PACSIN2: variants seen among roughly 807,000 people sequenced by gnomAD.
PACSIN2 encodes protein kinase C and casein kinase substrate in neurons protein 2.
A neutral mutation model predicts 63.8 loss-of-function variants in PACSIN2; 25 were observed. The ratio of observed to expected loss-of-function variants is 0.39; its 90% CI spans 0.29 to 0.55. The LOEUF is 0.55. PACSIN2 is among the 20% of genes least tolerant of loss of function. The pLI is 0.62. For missense variants in PACSIN2, 518 were observed against 646.9 expected, an observed-to-expected ratio of 0.80 and a Z score of 2.16; for synonymous variants, 255 against 256.2, an observed-to-expected ratio of 1.00 and a Z score of 0.05.
chr22:42,950,789 T>C (rs1933655540), intron 1 of PACSIN2, among the ~76,000 whole-genome samples: 1 of 152,212 alleles, frequency 6.6e-6, no homozygotes. Context: ...TGAAATGTAA[T>C]GCAGCCTTAC....
intron 1 of PACSIN2, among the ~76,000 whole-genome samples, chr22:43,009,856 A>ATTTTTTTT (rs1924338952): frequency 9.0e-6 from 1 of 110,846 alleles, no homozygotes; most frequent in Non-Finnish European, 1.9e-5. Flanking sequence ...ACATCATTTT[A>ATTTTTTTT]TTTTTTCTAT....
intron 1 of PACSIN2, among the ~76,000 whole-genome samples, chr22:42,984,690 A>C (rs1922484963): frequency 6.6e-6 from 1 of 152,152 alleles, no homozygotes; most frequent in Non-Finnish European, 1.5e-5. Flanking sequence ...AGGAAAATGA[A>C]ATTTCTCTTA....
chr22:42,994,772 C>T (rs976106177), intron 1 of PACSIN2, among the ~76,000 whole-genome samples: 35 of 152,338 alleles, frequency 2.3e-4, no homozygotes, highest in Admixed American at 1.8e-3. Flanking sequence ...GCCCCACCTA[C>T]GGGAATGCTG....
chr22:42,993,156 G>C (rs1923162154), intron 1 of PACSIN2, among the ~76,000 whole-genome samples: 2 of 149,040 alleles, frequency 1.3e-5, no homozygotes, highest in African/African-American at 5.0e-5. Flanking sequence ...CCTAGCAACA[G>C]AACAAGACTC....
chr22:42,942,572 G>A (rs375047094), intron 1 of PACSIN2, among the ~76,000 whole-genome samples: 10 of 152,250 alleles, frequency 6.6e-5, no homozygotes, highest in African/African-American at 2.4e-4. Context: ...TCCATCTGGA[G>A]TTAAGTTTTA....
At chr22:42,977,103 T>C (rs1921758885) in intron 1 of PACSIN2, among the ~76,000 whole-genome samples, 1 of 152,214 alleles carries the variant, frequency 6.6e-6, no homozygotes, top group Non-Finnish European at 1.5e-5. Context: ...TAGACACATA[T>C]TACATTCATA....
intron 1 of PACSIN2, among the ~76,000 whole-genome samples, chr22:42,981,370 C>CG (rs1380401989): frequency 3.5e-5 from 5 of 144,878 alleles, no homozygotes; most frequent in African/African-American, 1.3e-4. Flanking sequence ...GTCAGCCCCC[C>CG]GCCCGACCAG....
At chr22:42,924,191 G>A (rs891055058) in intron 1 of PACSIN2, among the ~76,000 whole-genome samples, 28 of 152,036 alleles carry the variant, frequency 1.8e-4, no homozygotes, top group African/African-American at 6.8e-4. Flanking sequence ...GACCGGCCTT[G>A]CCTCCAAAAA....
intron 6 of PACSIN2, 37 bp from the exon 7 acceptor site, chr22:42,882,341 G>C (rs749432041): frequency 1.3e-6 from 2 of 1,581,722 alleles, no homozygotes; most frequent in East Asian, 4.5e-5. Flanking sequence ...TTAGAAGGCA[G>C]GGGCCAGCTA....
chr22:42,969,717 T>C (rs910078018), intron 1 of PACSIN2, among the ~76,000 whole-genome samples: 3 of 151,988 alleles, frequency 2.0e-5, no homozygotes, highest in African/African-American at 7.3e-5. Context: ...GGCATGATGA[T>C]CGCTCGAGTC....
chr22:43,010,400 T>TATATATATATA (rs1569377806), intron 1 of PACSIN2, among the ~76,000 whole-genome samples: 1 of 44,034 alleles, frequency 2.3e-5, no homozygotes, highest in African/African-American at 9.2e-5. Context: ...ATATATATAT[T>TATATATATATA]TTTTTTTAAT....
intron 1 of PACSIN2, among the ~76,000 whole-genome samples, chr22:42,936,194 C>T (rs868761578): frequency 9.1e-5 from 13 of 142,472 alleles, no homozygotes; most frequent in Non-Finnish European, 1.2e-4. Context: ...CCAGCCTGGG[C>T]GGCAGAGCGA....
chr22:42,932,360 A>G (rs1932797775), intron 1 of PACSIN2, among the ~76,000 whole-genome samples: 1 of 152,148 alleles, frequency 6.6e-6, no homozygotes, highest in South Asian at 2.1e-4. Context: ...GTTACCTTCT[A>G]ACTCTTTTTA....
chr22:42,889,337 G>C lies in PACSIN2; in HGVS notation c.454-539C>G, dbSNP rs140249214. On this transcript the variant is annotated intron_variant, in intron 4 of 10. Transcript: ENST00000263246. ...AGAGAGGACCATACTAGGGGGCAGG[G>C]CCATCAGCCACATTTCCTCTGGTTT... 4.8e-3 allele frequency among the ~76,000 whole-genome samples: 680 copies of C among 141,804 alleles called. 5 individuals carry two copies. The highest frequency in any genetic ancestry group is 7.1e-3 in the Admixed American group (97 of 13,646). 93.0% of individuals were successfully genotyped at this position (141,804 alleles called of 152,430 possible). A position where few individuals can be genotyped will look rare whatever the true frequency, so the allele number is the denominator to read the frequency against.
chr22:42,876,394 C>T (rs1928632863), intron 9 of PACSIN2, 61 bp from the exon 10 acceptor site: 12 of 1,467,618 alleles, frequency 8.2e-6, no homozygotes, highest in African/African-American at 4.2e-5. Context: ...GTGAGGCCCC[C>T]GCCCCGCAAG....
Position 43,003,955 on chromosome 22 carries a change from G to A in PACSIN2, c.-78+11066C>T, listed in dbSNP as rs1340222683. On this transcript the variant is annotated intron_variant, in intron 1 of 10. Transcript: ENST00000263246. The stretch of plus-strand genomic sequence containing the variant: ...TTATCTCCCTGCTGTGTAAATGGTT[G>A]TAAACTTTCAGATTATTGAAACCAA... Among the ~76,000 whole-genome samples the A allele has an allele frequency of 3.9e-5, 6 of 152,128 alleles. 1 individual carries two copies. In the East Asian group the frequency reaches 1.2e-3, roughly 29 times the overall value.
intron 1 of PACSIN2, among the ~76,000 whole-genome samples, chr22:42,971,988 C>T (rs967217354): frequency 2.0e-5 from 3 of 151,678 alleles, no homozygotes; most frequent in Non-Finnish European, 4.4e-5. Context: ...TCTGCCCGGC[C>T]GCCACCCCGT....
chr22:42,970,931 C>T (rs956783652), intron 1 of PACSIN2, among the ~76,000 whole-genome samples: 1 of 152,180 alleles, frequency 6.6e-6, no homozygotes, highest in Non-Finnish European at 1.5e-5. Context: ...CCCAGGCTCC[C>T]TGCACCACCC....
rs1334493157 is a variant in PACSIN2 at position 42,983,413 on chromosome 22, C to A, written c.-78+31608G>T. 4.9e-5 allele frequency among the ~76,000 whole-genome samples: 7 copies of A among 143,306 alleles called. 1 individual carries two copies. In the East Asian group the frequency reaches 1.3e-3, roughly 26 times the overall value. The allele number at this position is 143,306 out of a possible 152,430, so 94.0% of individuals were successfully genotyped here. On this transcript the variant is annotated intron_variant, in intron 1 of 10. Transcript: ENST00000263246. ...GCTGAGGCAGGAGGATCACTTGAAC[C>A]CAGAAGGCGGAGGTTGCAGTGAGCC...
Sources: gnomAD v4.1 joint callset for allele counts (sites outside exome capture counted in the v4.1 genomes callset) on GRCh38, gnomAD v4.1.1 for gene constraint, MANE v1.5 for transcripts, NCBI Gene and HGNC (gene_info 2026-07-23, HGNC 2026-07-21) for gene names.